Variants in DNAH7 observed in about 807,000 individuals in gnomAD.
DNAH7 encodes axonemal beta dynein heavy chain 7.
A neutral mutation model predicts 444.6 loss-of-function variants in DNAH7; 397 were observed. The observed-to-expected ratio is 0.89, with a 90% CI of 0.82 to 0.97. DNAH7 has a LOEUF of 0.97. Ranked by LOEUF, DNAH7 falls within the 50% of genes least tolerant of loss-of-function variation. DNAH7 has a pLI of 0.00. For missense variants in DNAH7, 4,902 were observed against 4,800.8 expected (o/e 1.02, Z -0.62); for synonymous variants, 1,636 against 1,624.4 (o/e 1.01, Z -0.17).
intron 54 of DNAH7, among the ~76,000 whole-genome samples, chr2:195,801,379 C>T (rs1276627884): frequency 6.6e-6 from 1 of 151,976 alleles, no homozygotes; most frequent in Non-Finnish European, 1.5e-5. Context: ...ATAGATTCCC[C>T]CTTCACAGAA....
Position 195,856,073 on chromosome 2 carries a change from C to T in DNAH7, c.8415-82G>A, listed in dbSNP as rs182811540. ...TATCACTGAATTTACTTTTCTAATA[C>T]CCTTACTATAACTGAAAACACTTCT... is the stretch of plus-strand genomic sequence containing the variant. On this transcript the variant is annotated intron_variant, in intron 44 of 64. Coordinates refer to ENST00000312428, the MANE Select transcript of DNAH7 (RefSeq NM_018897.3). 2.2e-5 allele frequency: 28 copies of T among 1,290,922 alleles called. No individual in the cohort carries two copies. The East Asian group carries it at 6.4e-4, about 29-fold the overall frequency. 80.0% of individuals were successfully genotyped at this position (1,290,922 alleles called of 1,614,324 possible). A position where few individuals can be genotyped will look rare whatever the true frequency, so the allele number is the denominator to read the frequency against.
chr2:196,012,263 A>G (rs186638101), intron 10 of DNAH7, among the ~76,000 whole-genome samples: 2 of 152,288 alleles, frequency 1.3e-5, no homozygotes, highest in East Asian at 3.9e-4. Context: ...CCAGATTATG[A>G]ATTATCATAT....
intron 19 of DNAH7, among the ~76,000 whole-genome samples, chr2:195,955,933 A>G (rs1690618876): frequency 6.6e-6 from 1 of 152,180 alleles, no homozygotes; most frequent in Non-Finnish European, 1.5e-5. Context: ...TGATTGTGTT[A>G]CAAAGCAACT....
chr2:195,968,675 C>T (rs1157906067), intron 17 of DNAH7, among the ~76,000 whole-genome samples: 1 of 152,166 alleles, frequency 6.6e-6, no homozygotes, highest in African/African-American at 2.4e-5. Flanking sequence ...GCTCTAAGCC[C>T]AGGACAGCAT....
chr2:195,757,691 G>A (rs1305349580), intron 61 of DNAH7, among the ~76,000 whole-genome samples: 2 of 152,166 alleles, frequency 1.3e-5, no homozygotes, highest in East Asian at 1.9e-4. Context: ...TGGACTGCTG[G>A]TAGTAGATTT....
At chr2:195,787,352 C>T (rs1225579427) in intron 57 of DNAH7, among the ~76,000 whole-genome samples, 181 bp from the exon 58 acceptor site, 8 of 152,058 alleles carry the variant, frequency 5.3e-5, no homozygotes, top group East Asian at 1.9e-4. Flanking sequence ...AAAGTATGTC[C>T]GTCTGTGTAT....
In DNAH7 at chr2:195,897,656, A is replaced by G. The variant is rs1190548719; in HGVS notation, c.4647+11T>C. 1 of 1,498,168 alleles carries G rather than the reference A, an allele frequency of 6.7e-7. No homozygotes were observed. The highest frequency in any genetic ancestry group is 9.2e-7 in the Non-Finnish European group (1 of 1,084,648). 92.8% of individuals were successfully genotyped at this position (1,498,168 alleles called of 1,614,324 possible). ...AGAGTTTTGATGCATTGGGATAATG[A>G]ATGTTCTTACCTCAAAGAGTGGTAA... On this transcript the variant is annotated intron_variant, in intron 29 of 64. Transcript: ENST00000312428.
chr2:195,759,450 G>A (rs550629781), intron 61 of DNAH7, among the ~76,000 whole-genome samples: 1 of 152,222 alleles, frequency 6.6e-6, no homozygotes, highest in Admixed American at 6.5e-5. Context: ...CAGGCTTCAG[G>A]TGTGACCCTG....
At chr2:195,806,240 T>C (rs187199945) in intron 54 of DNAH7, among the ~76,000 whole-genome samples, 7 of 152,320 alleles carry the variant, frequency 4.6e-5, no homozygotes, top group Admixed American at 4.6e-4. Context: ...GCTGATTCAC[T>C]GGTTATATAA....
chr2:195,994,256 C>G, intron 12 of DNAH7: 1 of 381,212 alleles, frequency 2.6e-6, no homozygotes, highest in Non-Finnish European at 5.0e-6. Context: ...ATCAACCATA[C>G]CTGAAGTCTT....
chr2:195,981,478 G>A (rs1004985590), intron 15 of DNAH7, among the ~76,000 whole-genome samples: 3 of 151,782 alleles, frequency 2.0e-5, no homozygotes, highest in South Asian at 2.1e-4. Context: ...AAATTTATAC[G>A]AAACCGCAAA....
chr2:196,026,918 T>C lies in DNAH7; in HGVS notation c.509A>G (p.His170Arg), dbSNP rs773100228. 9.9e-6 allele frequency: 16 copies of C among 1,609,068 alleles called. No individual in the cohort carries two copies. The highest frequency in any genetic ancestry group is 1.7e-4 in the Middle Eastern group (1 of 6,058). The change falls in exon 7 of 65, where the codon CAT (histidine) becomes CGT (arginine). Residue 170 changes from histidine to arginine, a missense_variant. Coordinates refer to ENST00000312428, the MANE Select transcript of DNAH7 (RefSeq NM_018897.3). ...DILRYYYYIH[H>R]GIDTDHVAPM... ...GGCTACATGGTCTGTATCAATTCCA[T>C]GGTGAATATAATAGTAATATCTCTA... is the stretch of plus-strand genomic sequence containing the variant.
At chr2:195,998,116 A>C (rs1693810846) in intron 12 of DNAH7, among the ~76,000 whole-genome samples, 1 of 152,206 alleles carries the variant, frequency 6.6e-6, no homozygotes. Flanking sequence ...TGTAGGCTTT[A>C]TCTCTCAAAA....
chr2:195,839,881 A>G (rs1405602916), intron 47 of DNAH7, among the ~76,000 whole-genome samples: 2 of 151,796 alleles, frequency 1.3e-5, no homozygotes, highest in African/African-American at 4.8e-5. Flanking sequence ...AAAATCTTTC[A>G]ATGACAAAAA....
intron 49 of DNAH7, among the ~76,000 whole-genome samples, chr2:195,820,915 T>C (rs1480474812): frequency 6.6e-6 from 1 of 152,226 alleles, no homozygotes; most frequent in Non-Finnish European, 1.5e-5. Context: ...AGCGTTGTTC[T>C]TGTTTTTATG....
intron 15 of DNAH7, among the ~76,000 whole-genome samples, chr2:195,976,741 GGC>G (rs373467540): frequency 5.5e-5 from 4 of 73,284 alleles, no homozygotes; most frequent in African/African-American, 1.9e-4. Flanking sequence ...GAGACAGAGA[GGC>G]AGACAGAGAG....
At chr2:195,751,923 G>A (rs938439797) in intron 63 of DNAH7, among the ~76,000 whole-genome samples, 6 of 152,158 alleles carry the variant, frequency 3.9e-5, no homozygotes, top group Non-Finnish European at 7.4e-5. Flanking sequence ...AGGGCAATAA[G>A]TGGGTAATGA....
At chr2:195,944,571 A>G (rs1689674876) in intron 19 of DNAH7, among the ~76,000 whole-genome samples, 2 of 152,166 alleles carry the variant, frequency 1.3e-5, no homozygotes, top group South Asian at 4.1e-4. Context: ...CCCAGAGTCA[A>G]TTACATCCAA....
chr2:196,029,832 A>G lies in DNAH7; in HGVS notation c.399-1785T>C, dbSNP rs544028839. Among the ~76,000 whole-genome samples, 12 of 152,096 alleles carry G rather than the reference A, an allele frequency of 7.9e-5. No homozygotes were observed. In the East Asian group the frequency reaches 2.3e-3, roughly 29 times the overall value. On this transcript the variant is annotated intron_variant, in intron 5 of 64. Transcript: ENST00000312428. ...GTACAGAGAAAATATGATGTACTTT[A>G]TTTCTCAAAAATGAAAAGAACTATA... is the stretch of plus-strand genomic sequence containing the variant.
Sources: gnomAD v4.1 joint callset for allele counts (sites outside exome capture counted in the v4.1 genomes callset) on GRCh38, gnomAD v4.1.1 for gene constraint, MANE v1.5 for transcripts, NCBI Gene and HGNC (gene_info 2026-07-23, HGNC 2026-07-21) for gene names.